KCNQ5: variants seen among roughly 807,000 people sequenced by gnomAD.
KCNQ5 encodes potassium voltage-gated channel subfamily KQT member 5.
In KCNQ5, 30 loss-of-function variants were observed where a neutral mutation model predicts 98.2. The ratio of observed to expected loss-of-function variants is 0.31; its 90% confidence interval spans 0.23 to 0.41. KCNQ5 has a LOEUF of 0.41. Ranked by LOEUF, KCNQ5 falls within the 10% of genes least tolerant of loss-of-function variation. The pLI is 1.00. For synonymous variants in KCNQ5, 458 were observed against 449.4 expected (o/e 1.02, Z -0.24); for missense variants, 835 against 1,182.5 (o/e 0.71, Z 4.31).
chr6:73,143,895 G>A (rs546945744), intron 10 of KCNQ5, among the ~76,000 whole-genome samples: 88 of 152,234 alleles, frequency 5.8e-4, no homozygotes, highest in African/African-American at 2.0e-3. Context: ...CACAAAATAA[G>A]CACAAAATTA....
At chr6:73,006,013 C>T (rs1334288264) in intron 2 of KCNQ5, among the ~76,000 whole-genome samples, 1 of 152,284 alleles carries the variant, frequency 6.6e-6, no homozygotes, top group East Asian at 1.9e-4. Flanking sequence ...AATTCAAATA[C>T]TGTCTTTTAC....
chr6:72,736,651 C>T lies in KCNQ5; in HGVS notation c.398+114064C>T, dbSNP rs906537011. Among the ~76,000 whole-genome samples, 139 of 148,670 alleles carry T rather than the reference C, an allele frequency of 9.3e-4. 2 individuals are homozygous for T. Among genetic ancestry groups the T allele is most frequent in the African/African-American group, 3.0e-3 (117 of 39,568 alleles). On this transcript the variant is annotated intron_variant, in intron 1 of 13. Coordinates refer to ENST00000370398, the MANE Select transcript of KCNQ5 (RefSeq NM_019842.4). ...AGTAGCTGGGACTACAGGCGCCCGCCACCACGCCCGGCTAATTTTTTGTAT... is the reference window on the plus strand; with the variant it reads ...AGTAGCTGGGACTACAGGCGCCCGCTACCACGCCCGGCTAATTTTTTGTAT...
At chr6:72,849,007 A>C (rs531764827) in intron 1 of KCNQ5, among the ~76,000 whole-genome samples, 1 of 152,220 alleles carries the variant, frequency 6.6e-6, no homozygotes, top group African/African-American at 2.4e-5. Flanking sequence ...ATATAATGCC[A>C]TATTTGACTT....
At chr6:73,074,992 TGTAAACCACTA>T (rs1490634721) in intron 3 of KCNQ5, among the ~76,000 whole-genome samples, 1 of 152,206 alleles carries the variant, frequency 6.6e-6, no homozygotes, top group Admixed American at 6.5e-5. Flanking sequence ...AATGTCTGTT[TGTAAACCACTA>T]GTCTCAGGAG....
intron 1 of KCNQ5, among the ~76,000 whole-genome samples, chr6:72,733,829 G>C (rs1360203050): frequency 6.6e-6 from 1 of 152,196 alleles, no homozygotes; most frequent in African/African-American, 2.4e-5. Flanking sequence ...TCCTGCATCA[G>C]TCCTGCAGCC....
chr6:72,805,604 A>T (rs1045786378), intron 1 of KCNQ5, among the ~76,000 whole-genome samples: 1 of 152,070 alleles, frequency 6.6e-6, no homozygotes, highest in East Asian at 1.9e-4. Context: ...AGCTAATGTG[A>T]TTCCTCCAGT....
In KCNQ5 at chr6:72,699,886, T is replaced by C. The variant is rs550892230; in HGVS notation, c.398+77299T>C. 7.2e-5 allele frequency among the ~76,000 whole-genome samples: 11 copies of C among 152,328 alleles called. No homozygotes were observed. The East Asian group carries it at 1.2e-3, about 16-fold the overall frequency. ...AAACAGTTAACATTTATTGAATCTATGTTTCGGGCGTCAAGCTTTCCATGC... is the reference window on the plus strand; with the variant it reads ...AAACAGTTAACATTTATTGAATCTACGTTTCGGGCGTCAAGCTTTCCATGC... On this transcript the variant is annotated intron_variant, in intron 1 of 13. Coordinates refer to ENST00000370398, the MANE Select transcript of KCNQ5 (RefSeq NM_019842.4).
chr6:73,150,600 C>G (rs1437877882), intron 10 of KCNQ5, among the ~76,000 whole-genome samples: 1 of 149,422 alleles, frequency 6.7e-6, no homozygotes, highest in East Asian at 2.0e-4. Context: ...AACCTTTTGT[C>G]TATTGAAAAG....
rs2098915854 is a variant in KCNQ5 at position 72,622,516 on chromosome 6, G to A, written c.327G>A (p.Arg109=). ...GCTGCCGGCGCAACGTCAAGTACCGGCGGGTGCAGAACTACCTGTACAACG... is the reference window on the plus strand; with the variant it reads ...GCTGCCGGCGCAACGTCAAGTACCGACGGGTGCAGAACTACCTGTACAACG... ...SQSCRRNVKY[R]RVQNYLYNVL... is the part of the protein sequence containing the mutation. Residue 109 remains arginine (R), a synonymous_variant, in exon 1 of 14, where the codon CGG becomes CGA. Transcript: ENST00000370398. The surrounding 1 kb of genome is among the most constrained non-coding windows in gnomAD (Gnocchi z 6.0). 5 of 1,604,564 alleles carry A rather than the reference G, an allele frequency of 3.1e-6. No individual in the cohort carries two copies. Among genetic ancestry groups the A allele is most frequent in the Admixed American group, 1.7e-5 (1 of 59,102 alleles).
At chr6:72,863,017 T>C (rs1321373519) in intron 1 of KCNQ5, among the ~76,000 whole-genome samples, 6 of 152,164 alleles carry the variant, frequency 3.9e-5, no homozygotes, top group Non-Finnish European at 7.3e-5. Context: ...AAAAGAGAAA[T>C]TGTATTATTT....
intron 1 of KCNQ5, among the ~76,000 whole-genome samples, chr6:72,924,900 T>A (rs1780562020): frequency 6.6e-6 from 1 of 152,274 alleles, no homozygotes; most frequent in East Asian, 1.9e-4. Flanking sequence ...CCTAAAAAAA[T>A]TATTCATATA....
intron 1 of KCNQ5, among the ~76,000 whole-genome samples, chr6:72,782,350 A>G (rs1191775926): frequency 1.3e-5 from 2 of 151,760 alleles, no homozygotes; most frequent in African/African-American, 4.8e-5. Context: ...TCTTCTCCAC[A>G]CCCTATACCG....
rs183209022 is a variant in KCNQ5, at chr6:72,708,433, G to A, written c.398+85846G>A. Among the ~76,000 whole-genome samples, 58 of 152,226 alleles carry A rather than the reference G, an allele frequency of 3.8e-4. No individual in the cohort carries two copies. The East Asian group carries it at 4.4e-3, about 12-fold the overall frequency. On this transcript the variant is annotated intron_variant, in intron 1 of 13. Transcript: ENST00000370398. ...TATAAAAGGGAAACTTCTTTTAGAC[G>A]TTCTTAAAGACATGAAATCACTTCG...
At chr6:72,659,196 C>G (rs1766377995) in intron 1 of KCNQ5, among the ~76,000 whole-genome samples, 1 of 152,180 alleles carries the variant, frequency 6.6e-6, no homozygotes, top group Admixed American at 6.5e-5. Context: ...TATCTCTCCT[C>G]TTGTTTATCC....
chr6:73,055,924 A>T, intron 3 of KCNQ5: 1 of 491,616 alleles, frequency 2.0e-6, no homozygotes, highest in Admixed American at 2.8e-5. Context: ...AACATGTCAC[A>T]CTGACCACAT....
At chr6:73,187,457 A>T (rs59375312) in intron 11 of KCNQ5, among the ~76,000 whole-genome samples, 3,656 of 152,318 alleles carry the variant, frequency 0.024, 132 homozygotes, top group African/African-American at 0.083. Flanking sequence ...TAAATAATTG[A>T]AATGATATTT....
intron 5 of KCNQ5, among the ~76,000 whole-genome samples, chr6:73,087,274 G>A (rs567104654): frequency 1.8e-4 from 28 of 152,290 alleles, no homozygotes; most frequent in African/African-American, 4.3e-4. Context: ...TAAGGAGATC[G>A]AATCAACAGG....
intron 1 of KCNQ5, among the ~76,000 whole-genome samples, chr6:72,984,891 G>A (rs967234852): frequency 2.0e-5 from 3 of 152,062 alleles, no homozygotes; most frequent in South Asian, 2.1e-4. Flanking sequence ...CAAGAAATTC[G>A]AAGCCCTGGA....
rs1219632050 is a variant in KCNQ5 at position 73,197,736 on chromosome 6, G to A, written c.*2322G>A. Reference sequence around the variant, plus strand: ...AGAGGAGGGAGGCAGCAACTTTCAGGTAGCACTGATTCTTGGACATACTCT... The same window carrying A: ...AGAGGAGGGAGGCAGCAACTTTCAGATAGCACTGATTCTTGGACATACTCT... On this transcript the variant is annotated 3_prime_UTR_variant, in exon 14 of 14. Coordinates refer to ENST00000370398, the MANE Select transcript of KCNQ5 (RefSeq NM_019842.4). 6.6e-6 allele frequency: 1 copy of A among 152,098 alleles called. No individual in the cohort carries two copies. The highest frequency in any genetic ancestry group is 1.5e-5 in the Non-Finnish European group (1 of 68,148). 9.4% of individuals were successfully genotyped at this position (152,098 alleles called of 1,614,324 possible). A position where few individuals can be genotyped will look rare whatever the true frequency, so the allele number is the denominator to read the frequency against.
Sources: gnomAD v4.1 joint callset for allele counts (sites outside exome capture counted in the v4.1 genomes callset) on GRCh38, gnomAD v4.1.1 for gene constraint, Gnocchi (gnomAD v3.1) non-coding constraint, MANE v1.5 for transcripts, NCBI Gene and HGNC (gene_info 2026-07-23, HGNC 2026-07-21) for gene names.